The following ADGB variants were observed in gnomAD, a reference collection of about 807,000 sequenced individuals.
ADGB encodes the protein calpain-7-like protein.
In ADGB, 172 loss-of-function variants were observed where a neutral mutation model predicts 210.5. The observed-to-expected ratio is 0.82, with a 90% CI of 0.72 to 0.93. The LOEUF (loss-of-function observed/expected upper bound fraction) is 0.93. Ranked by LOEUF, ADGB falls within the 40% of genes least tolerant of loss-of-function variation. The pLI, the probability that ADGB is intolerant of heterozygous loss-of-function variation, is 0.00. For missense variants in ADGB, 2,025 were observed against 1,964.8 expected, an observed-to-expected ratio of 1.03 and a Z score of -0.58; for synonymous variants, 658 against 662.7, an observed-to-expected ratio of 0.99 and a Z score of 0.11.
chr6:146,785,595 A>T lies in ADGB; in HGVS notation c.4213-15A>T. 1.3e-6 allele frequency: 2 copies of T among 1,544,784 alleles called. No individual in the cohort carries two copies. The highest frequency in any genetic ancestry group is 1.8e-6 in the Non-Finnish European group (2 of 1,141,278). On this transcript the variant is annotated splice_polypyrimidine_tract_variant and intron_variant, in intron 31 of 35. Coordinates refer to ENST00000397944, the MANE Select transcript of ADGB (RefSeq NM_024694.4). Reference sequence around the variant, plus strand: ...TTGAAGAGCTTTTAAAAAGCTGCTCATGTTTGTTTTTTAGGCTTCTCAGGC... The same window carrying T: ...TTGAAGAGCTTTTAAAAAGCTGCTCTTGTTTGTTTTTTAGGCTTCTCAGGC...
chr6:146,644,768 T>C lies in ADGB; in HGVS notation c.238-5T>C. The C allele has an allele frequency of 2.8e-6, 4 of 1,424,918 alleles. No individual in the cohort carries two copies. Among genetic ancestry groups the C allele is most frequent in the South Asian group, 3.1e-5 (2 of 63,734 alleles). 88.3% of individuals were successfully genotyped at this position (1,424,918 alleles called of 1,614,324 possible). A position where few individuals can be genotyped will look rare whatever the true frequency, so the allele number is the denominator to read the frequency against. ...GCAGAAAAAACTCAATTTATTTTTA[T>C]ATAGCATTTTTTTGAGGACCCTGAA... On this transcript the variant is annotated splice_region_variant and splice_polypyrimidine_tract_variant and intron_variant, in intron 2 of 35. Coordinates refer to ENST00000397944, the MANE Select transcript of ADGB (RefSeq NM_024694.4).
chr6:146,600,515 C>T (rs1011180690), intron 1 of ADGB, among the ~76,000 whole-genome samples: 12 of 152,132 alleles, frequency 7.9e-5, no homozygotes, highest in Non-Finnish European at 1.8e-4. Flanking sequence ...TTTCCCTCTC[C>T]CTTCCTTCAG....
intron 4 of ADGB, among the ~76,000 whole-genome samples, chr6:146,655,155 C>A (rs755601237): frequency 6.6e-6 from 1 of 152,090 alleles, no homozygotes; most frequent in Admixed American, 6.5e-5. Context: ...TTTAGTGAGC[C>A]TCTGTTCTCC....
At chr6:146,802,231 C>T (rs1288103262) in intron 35 of ADGB, 2 of 278,926 alleles carry the variant, frequency 7.2e-6, no homozygotes, top group Non-Finnish European at 6.4e-6. Flanking sequence ...GGAATCTATC[C>T]TCAAAGATGG....
chr6:146,624,656 C>T (rs1423572682), intron 1 of ADGB, among the ~76,000 whole-genome samples: 1 of 151,708 alleles, frequency 6.6e-6, no homozygotes, highest in Admixed American at 6.6e-5. Flanking sequence ...TGGACTTGCT[C>T]TTTTTTTCTT....
chr6:146,676,502 C>T, intron 9 of ADGB, 61 bp downstream of exon 9: 1 of 1,213,998 alleles, frequency 8.2e-7, no homozygotes, highest in East Asian at 3.1e-5. Context: ...TGCTGGAAAA[C>T]CTTGGAACAT....
intron 12 of ADGB, 55 bp downstream of exon 12, chr6:146,692,970 T>C: frequency 9.9e-7 from 1 of 1,008,168 alleles, no homozygotes; most frequent in South Asian, 1.6e-5. Context: ...TACTTTGTGA[T>C]GTGTCTGGCT....
At chr6:146,676,671 A>C (rs1379408753) in intron 9 of ADGB, among the ~76,000 whole-genome samples, 1 of 152,196 alleles carries the variant, frequency 6.6e-6, no homozygotes, top group Admixed American at 6.6e-5. Flanking sequence ...AAGTATCCAC[A>C]TGTGGGAGAG....
intron 1 of ADGB, among the ~76,000 whole-genome samples, chr6:146,627,136 T>C (rs960971196): frequency 3.3e-5 from 5 of 152,070 alleles, no homozygotes; most frequent in African/African-American, 1.2e-4. Context: ...GATATTAGTT[T>C]GGTGCAAAAG....
intron 16 of ADGB, among the ~76,000 whole-genome samples, chr6:146,719,383 T>A (rs1480250403): frequency 6.6e-6 from 1 of 152,228 alleles, no homozygotes; most frequent in Non-Finnish European, 1.5e-5. Context: ...TTTTTTTCTT[T>A]TAAAAGTCTC....
In ADGB at chr6:146,668,695, C is replaced by T. The variant is rs76720477; in HGVS notation, c.839+1793C>T. 2.8e-3 allele frequency among the ~76,000 whole-genome samples: 428 copies of T among 152,018 alleles called. 20 individuals are homozygous for T. In the East Asian group the frequency reaches 0.078, roughly 28 times the overall value. ...CTCTGTGCAATAGTCAGTAGAGATA[C>T]CAGAGACAGGAAATCATCAGAATTC... is the stretch of plus-strand genomic sequence containing the variant. On this transcript the variant is annotated intron_variant, in intron 7 of 35. Coordinates refer to ENST00000397944, the MANE Select transcript of ADGB (RefSeq NM_024694.4).
intron 19 of ADGB, among the ~76,000 whole-genome samples, chr6:146,727,387 C>T (rs943919526): frequency 1.3e-5 from 2 of 152,152 alleles, no homozygotes; most frequent in Non-Finnish European, 2.9e-5. Flanking sequence ...TCTTGCTCAA[C>T]AGCCACAGCA....
rs1777537664 is a variant in ADGB, at chr6:146,763,929, T to C, written c.3579T>C (p.Ser1193=). The change falls in exon 28 of 36, where the codon TCT becomes TCC. Residue 1193 remains serine (S), a synonymous_variant. Transcript: ENST00000397944. ...GCAAGCACATTCTTTCATTTCACTC[T>C]GCATCCAAGAAAGAGCAAGAAGTGT... ...QSSKHILSFH[S]ASKKEQEVYV... is the part of the protein sequence containing the mutation. 6.4e-7 allele frequency: 1 copy of C among 1,550,992 alleles called. No homozygotes were observed. Among genetic ancestry groups the C allele is most frequent in the Non-Finnish European group, 8.7e-7 (1 of 1,146,732 alleles).
chr6:146,640,094 C>G (rs1017811335), intron 2 of ADGB, among the ~76,000 whole-genome samples: 1 of 151,936 alleles, frequency 6.6e-6, no homozygotes, highest in Non-Finnish European at 1.5e-5. Flanking sequence ...ATTGACCCCA[C>G]AGAAATAAAA....
At chr6:146,791,488 C>T (rs150670689) in intron 33 of ADGB, among the ~76,000 whole-genome samples, 8 of 151,866 alleles carry the variant, frequency 5.3e-5, no homozygotes, top group East Asian at 2.0e-4. Context: ...AGACTATAAG[C>T]GCATGCCACC....
At chr6:146,601,650 C>T (rs527973905) in intron 1 of ADGB, among the ~76,000 whole-genome samples, 70 of 152,166 alleles carry the variant, frequency 4.6e-4, no homozygotes, top group African/African-American at 1.7e-3. Flanking sequence ...CCAATAAATG[C>T]GACCAACTCT....
At chr6:146,658,479 A>G (rs992641760) in intron 5 of ADGB, among the ~76,000 whole-genome samples, 3 of 152,092 alleles carry the variant, frequency 2.0e-5, no homozygotes, top group African/African-American at 7.2e-5. Flanking sequence ...CCTGTCCCAC[A>G]TTTGTCTAAA....
chr6:146,715,563 T>TA (rs1242377992), intron 14 of ADGB, 148 bp downstream of exon 14: 6 of 474,730 alleles, frequency 1.3e-5, no homozygotes, highest in African/African-American at 4.1e-5. Flanking sequence ...CTCTGGGCTT[T>TA]AAAAAAAGAG....
At chr6:146,706,640 C>CTAGAAATTTG (rs1776573087) in intron 13 of ADGB, among the ~76,000 whole-genome samples, 1 of 152,018 alleles carries the variant, frequency 6.6e-6, no homozygotes, top group Non-Finnish European at 1.5e-5. Context: ...TATAATATGT[C>CTAGAAATTTG]TAGAAATTTG....
Sources: gnomAD v4.1 joint callset for allele counts (sites outside exome capture counted in the v4.1 genomes callset) on GRCh38, gnomAD v4.1.1 for gene constraint, MANE v1.5 for transcripts, NCBI Gene and HGNC (gene_info 2026-07-23, HGNC 2026-07-21) for gene names.